Variants in ADAMTS17 observed in about 807,000 individuals in gnomAD.
ADAMTS17 encodes the protein A disintegrin and metalloproteinase with thrombospondin motifs 17.
A neutral mutation model predicts 141.5 loss-of-function variants in ADAMTS17; 113 were observed. That is an observed-to-expected ratio of 0.80 (90% CI 0.69 to 0.93). The LOEUF is 0.93. Ranked by LOEUF, ADAMTS17 falls within the 40% of genes least tolerant of loss-of-function variation. The pLI is 0.00. For synonymous variants in ADAMTS17, 768 were observed against 630.6 expected, an observed-to-expected ratio of 1.22 and a Z score of -3.27; for missense variants, 1,659 against 1,517.9, an observed-to-expected ratio of 1.09 and a Z score of -1.54.
At chr15:100,288,371 T>G (rs7169659) in intron 3 of ADAMTS17, among the ~76,000 whole-genome samples, 118,366 of 152,162 alleles carry the variant, frequency 0.78, 46,595 homozygotes, top group East Asian at 0.95. Flanking sequence ...CATAAAACAA[T>G]TTCTTAGAGA....
At chr15:100,253,068 A>G (rs12438376) in intron 7 of ADAMTS17, among the ~76,000 whole-genome samples, 43,379 of 151,734 alleles carry the variant, frequency 0.29, 6,612 homozygotes, top group Admixed American at 0.35. Flanking sequence ...ATAACAGTAT[A>G]TATTTTTCAC....
intron 19 of ADAMTS17, among the ~76,000 whole-genome samples, chr15:99,995,928 C>A (rs2060792600): frequency 6.6e-6 from 1 of 152,152 alleles, no homozygotes; most frequent in Non-Finnish European, 1.5e-5. Flanking sequence ...AGAGAAATTT[C>A]TTTAAATCTT....
Position 100,282,378 on chromosome 15 carries a change from T to G in ADAMTS17, c.617-977A>C, listed in dbSNP as rs73484150. Reference sequence around the variant, plus strand: ...GCCCTCTTTATCTGCAGGGGCTATGTTCCAAGACTCCCAGTGGATCCCTGA... The same window carrying G: ...GCCCTCTTTATCTGCAGGGGCTATGGTCCAAGACTCCCAGTGGATCCCTGA... On this transcript the variant is annotated intron_variant, in intron 3 of 21. Coordinates refer to ENST00000268070, the MANE Select transcript of ADAMTS17 (RefSeq NM_139057.4). Among the ~76,000 whole-genome samples the G allele has an allele frequency of 6.3e-3, 959 of 152,308 alleles. 9 individuals carry two copies. The highest frequency in any genetic ancestry group is 0.021 in the African/African-American group (866 of 41,566).
chr15:100,211,046 GCCGAGATTGCGCCACTGCACTCCAGC>G (rs1442525993), intron 7 of ADAMTS17, among the ~76,000 whole-genome samples: 1 of 151,832 alleles, frequency 6.6e-6, no homozygotes, highest in Non-Finnish European at 1.5e-5. Context: ...CTTGCAGTGA[GCCGAGATTGCGCCACTGCACTCCAGC>G]CTGGGTGATA....
At chr15:100,285,804 G>A (rs1029163478) in intron 3 of ADAMTS17, among the ~76,000 whole-genome samples, 30 of 152,288 alleles carry the variant, frequency 2.0e-4, no homozygotes, top group African/African-American at 7.0e-4. Context: ...AGGTACAGTG[G>A]AGCATGGCCA....
At chr15:100,235,766 C>T (rs937193431) in intron 7 of ADAMTS17, among the ~76,000 whole-genome samples, 1 of 152,166 alleles carries the variant, frequency 6.6e-6, no homozygotes, top group Non-Finnish European at 1.5e-5. Flanking sequence ...GAAACAAGAA[C>T]AACACAGCCA....
At chr15:100,067,640 C>G (rs868200516) in intron 15 of ADAMTS17, among the ~76,000 whole-genome samples, 2 of 152,228 alleles carry the variant, frequency 1.3e-5, no homozygotes, top group South Asian at 4.1e-4. Context: ...TTCTGCAGCA[C>G]TTATCTTTTA....
At chr15:100,107,276 C>G (rs908568264) in intron 14 of ADAMTS17, among the ~76,000 whole-genome samples, 1 of 152,166 alleles carries the variant, frequency 6.6e-6, no homozygotes, top group Non-Finnish European at 1.5e-5. Context: ...AGAGCATAAG[C>G]AGATCTGCTG....
At chr15:100,267,882 A>C (rs4965619) in intron 4 of ADAMTS17, among the ~76,000 whole-genome samples, 96,146 of 152,114 alleles carry the variant, frequency 0.63, 31,080 homozygotes, top group East Asian at 0.95. Flanking sequence ...TACAGACAAT[A>C]CATTTACACT....
chr15:100,107,305 C>T (rs2036470589), intron 14 of ADAMTS17, among the ~76,000 whole-genome samples: 1 of 152,140 alleles, frequency 6.6e-6, no homozygotes, highest in South Asian at 2.1e-4. Context: ...GGCAAGTGGA[C>T]CTGACGCCTG....
At chr15:100,323,226 A>C (rs919289963) in intron 3 of ADAMTS17, among the ~76,000 whole-genome samples, 4 of 152,224 alleles carry the variant, frequency 2.6e-5, no homozygotes, top group Admixed American at 6.5e-5. Flanking sequence ...TAACTTAATC[A>C]TCTTAATTTT....
chr15:100,021,852 T>A (rs1473437225), intron 18 of ADAMTS17, among the ~76,000 whole-genome samples: 6 of 151,800 alleles, frequency 4.0e-5, no homozygotes, highest in Non-Finnish European at 8.8e-5. Flanking sequence ...CTGGCACCGG[T>A]CCCTCTGCCT....
At chr15:100,039,147 C>G (rs961794229) in intron 18 of ADAMTS17, among the ~76,000 whole-genome samples, 1 of 152,166 alleles carries the variant, frequency 6.6e-6, no homozygotes, top group African/African-American at 2.4e-5. Context: ...TTATTCTTGG[C>G]CAATCTAGCT....
At chr15:100,137,419 A>C (rs2038390748) in intron 10 of ADAMTS17, among the ~76,000 whole-genome samples, 1 of 152,240 alleles carries the variant, frequency 6.6e-6, no homozygotes, top group South Asian at 2.1e-4. Context: ...CCAAAGGTAA[A>C]ATGTTAAGCA....
Position 100,089,248 on chromosome 15 carries a change from C to G in ADAMTS17, c.2137+7108G>C, listed in dbSNP as rs557839694. ...ACACATGAAAAAATGCTCATCATCACTGGCCATCAGAGAAATGCAAATCAA... is the reference window on the plus strand; with the variant it reads ...ACACATGAAAAAATGCTCATCATCAGTGGCCATCAGAGAAATGCAAATCAA... On this transcript the variant is annotated intron_variant, in intron 15 of 21. Transcript: ENST00000268070. Among the ~76,000 whole-genome samples the G allele has an allele frequency of 3.5e-3, 467 of 133,292 alleles. 7 individuals carry two copies. Among genetic ancestry groups the G allele is most frequent in the African/African-American group, 0.014 (424 of 30,218 alleles). The allele number at this position is 133,292 out of a possible 152,430, so 87.4% of individuals were successfully genotyped here. A position where few individuals can be genotyped will look rare whatever the true frequency, so the allele number is the denominator to read the frequency against.
At chr15:100,317,360 G>C (rs2045597555) in intron 3 of ADAMTS17, among the ~76,000 whole-genome samples, 1 of 152,164 alleles carries the variant, frequency 6.6e-6, no homozygotes, top group Admixed American at 6.5e-5. Context: ...AAGCACTGAA[G>C]TCCCAGAAAC....
intron 8 of ADAMTS17, among the ~76,000 whole-genome samples, chr15:100,194,889 T>C (rs1398893049): frequency 1.3e-5 from 2 of 152,142 alleles, no homozygotes; most frequent in Non-Finnish European, 2.9e-5. Flanking sequence ...GTAGCCATCT[T>C]CCCATGTGCA....
intron 12 of ADAMTS17, among the ~76,000 whole-genome samples, chr15:100,130,259 G>C (rs578104916): frequency 9.9e-5 from 15 of 151,924 alleles, no homozygotes; most frequent in African/African-American, 3.4e-4. Flanking sequence ...AGCTACTTGC[G>C]AGGCTGAGGC....
At chr15:100,160,638 G>A (rs1861734839) in intron 8 of ADAMTS17, among the ~76,000 whole-genome samples, 1 of 152,220 alleles carries the variant, frequency 6.6e-6, no homozygotes, top group Non-Finnish European at 1.5e-5. Flanking sequence ...ATTCCTCACA[G>A]GGATGTGGCC....
Sources: allele counts gnomAD v4.1 joint callset (sites outside exome capture counted in the v4.1 genomes callset), GRCh38; gene constraint gnomAD v4.1.1; transcripts MANE v1.5; gene names NCBI Gene and HGNC (gene_info 2026-07-23, HGNC 2026-07-21).